The following NPEPL1 variants were observed in gnomAD, a reference collection of about 807,000 sequenced individuals.
NPEPL1 encodes the protein probable aminopeptidase NPEPL1.
Under a neutral mutation model 52.4 loss-of-function variants are expected in NPEPL1, and 45 were observed. The ratio of observed to expected loss-of-function variants is 0.86; its 90% CI spans 0.68 to 1.10. The LOEUF is 1.10. NPEPL1 is among the 50% of genes least tolerant of loss of function. The pLI is 0.00. For missense variants in NPEPL1, 696 were observed against 710.9 expected (o/e 0.98, Z 0.24); for synonymous variants, 360 against 314.7 (o/e 1.14, Z -1.52).
chr20:58,715,032 C>A, intron 11 of NPEPL1, 136 bp from the exon 12 acceptor site: 1 of 1,013,310 alleles, frequency 9.9e-7, no homozygotes, highest in Non-Finnish European at 1.4e-6. Context: ...TGGGCTCCGG[C>A]TGGTGCTCAG....
chr20:58,701,263 G>T (rs533492507), intron 6 of NPEPL1, 105 bp downstream of exon 6: 2 of 201,754 alleles, frequency 9.9e-6, no homozygotes, highest in Non-Finnish European at 1.7e-5. Flanking sequence ...GGGGTGGGGT[G>T]GGGAGGGGAA....
chr20:58,691,644 T>C (rs6123822), upstream of NPEPL1: 372,129 of 704,512 alleles, frequency 0.53, 99,823 homozygotes, highest in African/African-American at 0.62. Context: ...GGAAAACCTC[T>C]CACACCACGC....
chr20:58,691,018 CTG>C (rs1348071555), upstream of NPEPL1: 2 of 690,638 alleles, frequency 2.9e-6, no homozygotes, highest in Admixed American at 4.1e-5. Context: ...TATTCTGCGT[CTG>C]TGTTTCCTCC....
At chr20:58,689,553 G>T (rs1349987485), upstream of NPEPL1, among the ~76,000 whole-genome samples, 1 of 152,182 alleles carries the variant, frequency 6.6e-6, no homozygotes, top group Admixed American at 6.5e-5. Context: ...GAGCCACGGG[G>T]CCTGGTTCCA....
At chr20:58,708,873 G>A (rs765889827) in intron 7 of NPEPL1, among the ~76,000 whole-genome samples, 3 of 151,942 alleles carry the variant, frequency 2.0e-5, no homozygotes, top group Non-Finnish European at 4.4e-5. Flanking sequence ...GGGCAGGGGT[G>A]GGCAAGTGGT....
chr20:58,713,563 A>G lies in NPEPL1; in HGVS notation c.1125+20A>G, dbSNP rs1273560472. The G allele has an allele frequency of 1.3e-6, 2 of 1,577,026 alleles. No homozygotes were observed. Among genetic ancestry groups the G allele is most frequent in the South Asian group, 2.3e-5 (2 of 87,326 alleles). Reference sequence around the variant, plus strand: ...GCTCAGGTGAGTGCTCCCTGGATCCACCCCTTAGCTGTAGTCCCAGGGAAC... The same window carrying G: ...GCTCAGGTGAGTGCTCCCTGGATCCGCCCCTTAGCTGTAGTCCCAGGGAAC... On this transcript the variant is annotated intron_variant, in intron 9 of 11. Coordinates refer to ENST00000356091, the MANE Select transcript of NPEPL1 (RefSeq NM_024663.4). The surrounding 1 kb of genome is among the most constrained non-coding windows in gnomAD (Gnocchi z 4.6).
upstream of NPEPL1, chr20:58,692,063 T>G (rs2084359840): frequency 1.7e-6 from 1 of 575,514 alleles, no homozygotes. The surrounding 1 kb of genome is among the most constrained non-coding windows in gnomAD (Gnocchi z 5.7). Context: ...TCGTCTCATC[T>G]CGTCCCTCCT....
rs1349709604 is a variant in NPEPL1 at position 58,714,685 on chromosome 20, T to G, written c.1413+15T>G. Reference sequence around the variant, plus strand: ...CGGTGCATGCTGTGAGTGTCTCCCCTCCCCACTGGCCCTGGCTGCTCCCGC... The same window carrying G: ...CGGTGCATGCTGTGAGTGTCTCCCCGCCCCACTGGCCCTGGCTGCTCCCGC... On this transcript the variant is annotated intron_variant, in intron 11 of 11. Transcript: ENST00000356091. 1.9e-6 allele frequency: 3 copies of G among 1,562,012 alleles called. No homozygotes were observed. Among genetic ancestry groups the G allele is most frequent in the East Asian group, 4.7e-5 (2 of 42,668 alleles).
At chr20:58,715,101 G>C (rs1000939249) in intron 11 of NPEPL1, 67 bp from the exon 12 acceptor site, 1 of 1,511,750 alleles carries the variant, frequency 6.6e-7, no homozygotes, top group East Asian at 2.5e-5. Flanking sequence ...GAGGTGAGGG[G>C]TCCCCAGGAA....
At chr20:58,689,822 A>AAC (rs35608871), upstream of NPEPL1, among the ~76,000 whole-genome samples, 4,022 of 150,730 alleles carry the variant, frequency 0.027, 119 homozygotes, top group African/African-American at 0.077. Flanking sequence ...CACATGCACA[A>AAC]ACACACACAC....
rs902249099 is a variant in NPEPL1 at position 58,703,957 on chromosome 20, C to G, written c.822+2799C>G. On this transcript the variant is annotated intron_variant, in intron 6 of 11. Transcript: ENST00000356091. ...TACCAGGAAGAGCTGGGTGTTCTGGCACCAGTGAAACAATACCTGGTTTTT... is the reference window on the plus strand; with the variant it reads ...TACCAGGAAGAGCTGGGTGTTCTGGGACCAGTGAAACAATACCTGGTTTTT... The G allele has an allele frequency of 1.1e-5, 11 of 985,268 alleles. No homozygotes were observed. The African/African-American group carries it at 1.9e-4, about 17-fold the overall frequency. The allele number at this position is 985,268 out of a possible 1,614,324, so 61.0% of individuals were successfully genotyped here.
chr20:58,689,822 AACAC>A (rs35608871), upstream of NPEPL1, among the ~76,000 whole-genome samples: 1,967 of 150,654 alleles, frequency 0.013, 18 homozygotes, highest in Admixed American at 0.024. Context: ...CACATGCACA[AACAC>A]ACACACACAC....
Position 58,714,546 on chromosome 20 carries a change from C to T in NPEPL1, c.1303-14C>T. ...GAGCAACCCACAGGCACTGTGTCCT[C>T]CTGGCCTCCCTAGGACCGAGACAAC... On this transcript the variant is annotated splice_polypyrimidine_tract_variant and intron_variant, in intron 10 of 11. Transcript: ENST00000356091. The T allele has an allele frequency of 6.4e-7, 1 of 1,556,288 alleles. No individual in the cohort carries two copies. The highest frequency in any genetic ancestry group is 8.7e-7 in the Non-Finnish European group (1 of 1,153,724).
chr20:58,701,078 C>G lies in NPEPL1; in HGVS notation c.742C>G (p.Pro248Ala), dbSNP rs2084607504. 3 of 1,596,034 alleles carry G rather than the reference C, an allele frequency of 1.9e-6. No homozygotes were observed. Among genetic ancestry groups the G allele is most frequent in the African/African-American group, 1.3e-5 (1 of 74,506 alleles). Residue 248 changes from proline to alanine, a missense_variant, in exon 6 of 12, where the codon CCA (proline) becomes GCA (alanine). By Grantham distance (27) the Pro-to-Ala change is conservative. Coordinates refer to ENST00000356091, the MANE Select transcript of NPEPL1 (RefSeq NM_024663.4). ...PPALAVLSHT[P>A]DGATQTIAWV... ...AGCCCTGGCCGTCCTCAGCCACACC[C>G]CAGATGGAGCCACGCAGACCATCGC...
chr20:58,691,211 A>C (rs1450705232), upstream of NPEPL1: 1 of 702,794 alleles, frequency 1.4e-6, no homozygotes, highest in South Asian at 1.5e-5. Context: ...AAAGAGTGAG[A>C]GATCTTCATA....
upstream of NPEPL1, chr20:58,692,695 C>G (rs1381471723): frequency 4.1e-6 from 2 of 490,068 alleles, no homozygotes; most frequent in East Asian, 3.0e-4. This position sits in a 1 kb window ranked among gnomAD's most constrained non-coding sequence, Gnocchi z 5.7. Flanking sequence ...TGCCCGCACC[C>G]TTCCGCCCGG....
At position 58,713,271 on chromosome 20, in the gene NPEPL1, A is replaced by C; in HGVS notation, c.1002-149A>C. ...CTGCATTGCTGTAGGGACTGGGGGC[A>C]TCCCGGCCTTCCCATTCAGGGAACG... On this transcript the variant is annotated intron_variant, in intron 8 of 11. Transcript: ENST00000356091. This position sits in a 1 kb window ranked among gnomAD's most constrained non-coding sequence, Gnocchi z 4.6. The C allele has an allele frequency of 1.9e-6, 2 of 1,026,996 alleles. No individual in the cohort carries two copies. Among genetic ancestry groups the C allele is most frequent in the Non-Finnish European group, 2.8e-6 (2 of 718,500 alleles). 63.6% of individuals were successfully genotyped at this position (1,026,996 alleles called of 1,614,324 possible). A position where few individuals can be genotyped will look rare whatever the true frequency, so the allele number is the denominator to read the frequency against.
intron 1 of NPEPL1, 31 bp downstream of exon 1, chr20:58,693,081 G>A: frequency 1.0e-6 from 1 of 1,002,916 alleles, no homozygotes; most frequent in Non-Finnish European, 1.2e-6. Context: ...CATGCGACCC[G>A]CGCCGCGGAA....
chr20:58,700,614 C>G (rs563364235), intron 5 of NPEPL1, among the ~76,000 whole-genome samples: 1 of 152,164 alleles, frequency 6.6e-6, no homozygotes, highest in East Asian at 1.9e-4. Context: ...ACTGTGGGAG[C>G]GAGTGTGAAA....
Sources: allele counts gnomAD v4.1 joint callset (sites outside exome capture counted in the v4.1 genomes callset), GRCh38; gene constraint gnomAD v4.1.1; non-coding constraint Gnocchi (gnomAD v3.1); transcripts MANE v1.5; gene names NCBI Gene and HGNC (gene_info 2026-07-23, HGNC 2026-07-21).